MTUS2: variants seen among roughly 807,000 people sequenced by gnomAD.
The protein encoded by MTUS2 is microtubule-associated tumor suppressor candidate 2.
MTUS2 carries 40 observed loss-of-function variants against 114.1 expected under a neutral mutation model. The observed-to-expected ratio is 0.35, with a 90% CI of 0.27 to 0.46. The LOEUF is 0.46. MTUS2 is among the 20% of genes least tolerant of loss of function. MTUS2 has a pLI of 1.00. For synonymous variants in MTUS2, 688 were observed against 672.0 expected (o/e 1.02, Z -0.37); for missense variants, 1,679 against 1,705.4 (o/e 0.98, Z 0.27).
At chr13:29,310,608 A>T (rs1899710521) in intron 6 of MTUS2, among the ~76,000 whole-genome samples, 1 of 152,240 alleles carries the variant, frequency 6.6e-6, no homozygotes, top group South Asian at 2.1e-4. Flanking sequence ...CCACAAAAGT[A>T]AAAAAATCAA....
intron 5 of MTUS2, among the ~76,000 whole-genome samples, chr13:29,262,510 A>G (rs976955562): frequency 6.6e-6 from 1 of 151,948 alleles, no homozygotes; most frequent in East Asian, 1.9e-4. Context: ...GGTTGAGGGA[A>G]TGGATAAACA....
At chr13:29,259,827 C>G (rs965711544) in intron 5 of MTUS2, among the ~76,000 whole-genome samples, 5 of 152,158 alleles carry the variant, frequency 3.3e-5, no homozygotes, top group Non-Finnish European at 7.3e-5. Context: ...CCTAACCTTT[C>G]TTTAGTGTGT....
chr13:29,011,355 G>C (rs888014504), intron 2 of MTUS2, among the ~76,000 whole-genome samples: 1 of 152,158 alleles, frequency 6.6e-6, no homozygotes, highest in Non-Finnish European at 1.5e-5. Flanking sequence ...TAGCAAGACA[G>C]TTTTCCCCCC....
intron 2 of MTUS2, among the ~76,000 whole-genome samples, chr13:29,016,617 A>G (rs1886078344): frequency 6.6e-6 from 1 of 151,806 alleles, no homozygotes; most frequent in Non-Finnish European, 1.5e-5. Flanking sequence ...ATTCTTCTTT[A>G]CTCTTTCTAC....
intron 5 of MTUS2, among the ~76,000 whole-genome samples, chr13:29,114,841 T>G (rs1376052439): frequency 6.6e-6 from 1 of 152,238 alleles, no homozygotes; most frequent in Non-Finnish European, 1.5e-5. Flanking sequence ...ATTTGTATTT[T>G]CAATTAAGGG....
At chr13:29,132,922 T>C (rs936605057) in intron 5 of MTUS2, among the ~76,000 whole-genome samples, 1 of 152,212 alleles carries the variant, frequency 6.6e-6, no homozygotes, top group Admixed American at 6.5e-5. Flanking sequence ...TTTTAATTTT[T>C]TGGGGAGCTG....
intron 5 of MTUS2, among the ~76,000 whole-genome samples, chr13:29,107,328 G>A (rs1890710495): frequency 6.6e-6 from 1 of 152,044 alleles, no homozygotes; most frequent in African/African-American, 2.4e-5. Context: ...AAAGGACACT[G>A]TCCTTTACAA....
intron 5 of MTUS2, among the ~76,000 whole-genome samples, chr13:29,233,866 A>G (rs1593200261): frequency 1.3e-5 from 2 of 152,310 alleles, no homozygotes; most frequent in East Asian, 3.9e-4. Context: ...TCATCTGAAA[A>G]AGACATTTGA....
At position 28,905,809 on chromosome 13, in the gene MTUS2, G is replaced by T. The variant is rs564064390; in HGVS notation, c.-243+65959G>T. Among the ~76,000 whole-genome samples, 67 of 151,596 alleles carry T rather than the reference G, an allele frequency of 4.4e-4. 1 individual carries two copies. Among genetic ancestry groups the T allele is most frequent in the African/African-American group, 1.6e-3 (67 of 41,176 alleles). ...GGATTCCCTCTTTTTCTATTGATTGGAATAGTTTCAGAAGGAATGCTAGCA... is the reference window on the plus strand; with the variant it reads ...GGATTCCCTCTTTTTCTATTGATTGTAATAGTTTCAGAAGGAATGCTAGCA... On this transcript the variant is annotated intron_variant, in intron 2 of 15. Coordinates refer to ENST00000612955, the MANE Select transcript of MTUS2 (RefSeq NM_001033602.4).
intron 6 of MTUS2, among the ~76,000 whole-genome samples, chr13:29,323,312 T>C (rs1346081055): frequency 6.6e-6 from 1 of 151,752 alleles, no homozygotes; most frequent in Non-Finnish European, 1.5e-5. Context: ...TGCAGTGGCG[T>C]GATCTCGGCT....
chr13:28,968,087 A>G (rs1035095765), intron 2 of MTUS2, among the ~76,000 whole-genome samples: 3 of 152,146 alleles, frequency 2.0e-5, no homozygotes, highest in Non-Finnish European at 2.9e-5. Context: ...AGTCTCTCCA[A>G]TTTGCCTTTT....
chr13:28,939,225 A>G (rs1485299517), intron 2 of MTUS2, among the ~76,000 whole-genome samples: 2 of 152,118 alleles, frequency 1.3e-5, no homozygotes, highest in Non-Finnish European at 2.9e-5. Flanking sequence ...TCTTCCTTGT[A>G]TTGAAACATT....
intron 8 of MTUS2, among the ~76,000 whole-genome samples, chr13:29,421,081 T>C (rs1005705263): frequency 3.9e-5 from 6 of 152,222 alleles, no homozygotes; most frequent in Non-Finnish European, 5.9e-5. Flanking sequence ...ATTTTCTAAA[T>C]CCTGGTTATT....
At chr13:28,835,011 C>A (rs922223594) in intron 1 of MTUS2, among the ~76,000 whole-genome samples, 1 of 151,988 alleles carries the variant, frequency 6.6e-6, no homozygotes, top group African/African-American at 2.4e-5. Context: ...ATTAAAAAGA[C>A]AAAATTAAGT....
chr13:29,497,786 A>G, intron 13 of MTUS2: 1 of 179,840 alleles, frequency 5.6e-6, no homozygotes, highest in East Asian at 1.4e-4. Context: ...AATAAAATAC[A>G]GGACACCCAG....
At chr13:28,971,207 A>T (rs1260214891) in intron 2 of MTUS2, among the ~76,000 whole-genome samples, 1 of 152,194 alleles carries the variant, frequency 6.6e-6, no homozygotes, top group Non-Finnish European at 1.5e-5. Flanking sequence ...CTGGATTTAG[A>T]GTATTTTAAA....
intron 5 of MTUS2, among the ~76,000 whole-genome samples, chr13:29,209,746 A>G (rs1895346890): frequency 6.6e-6 from 1 of 152,024 alleles, no homozygotes; most frequent in African/African-American, 2.4e-5. Context: ...TAACAAGGCT[A>G]AAGGTAGGAC....
At chr13:29,362,155 CA>C (rs1272375496) in intron 8 of MTUS2, among the ~76,000 whole-genome samples, 1 of 152,158 alleles carries the variant, frequency 6.6e-6, no homozygotes, top group African/African-American at 2.4e-5. Context: ...AATTAATGTG[CA>C]AAGATGCTTT....
chr13:29,472,644 A>G (rs189312369), intron 9 of MTUS2, among the ~76,000 whole-genome samples: 8 of 152,384 alleles, frequency 5.2e-5, no homozygotes, highest in Admixed American at 5.2e-4. Flanking sequence ...ATCTAATCCC[A>G]TGTAATTTTA....
Sources: gnomAD v4.1 joint callset for allele counts (sites outside exome capture counted in the v4.1 genomes callset) on GRCh38, gnomAD v4.1.1 for gene constraint, MANE v1.5 for transcripts, NCBI Gene and HGNC (gene_info 2026-07-23, HGNC 2026-07-21) for gene names.